Variants in CHODL observed in about 807,000 individuals in gnomAD.
CHODL encodes transmembrane protein MT75.
In CHODL, 29 loss-of-function variants were observed where a neutral mutation model predicts 34.5. The ratio of observed to expected loss-of-function variants is 0.84; its 90% CI spans 0.63 to 1.15. The LOEUF is 1.15. Ranked by LOEUF, CHODL falls within the 50% of genes most tolerant of loss-of-function variation. The probability of loss-of-function intolerance (pLI) is 0.00; values close to 1 mark genes in which losing one functional copy is unlikely to be tolerated. For synonymous variants in CHODL, 125 were observed against 116.1 expected (o/e 1.08, Z -0.49); for missense variants, 332 against 332.5 (o/e 1.00, Z 0.01).
At chr21:17,938,499 A>G (rs377136061) in intron 1 of CHODL, among the ~76,000 whole-genome samples, 93,552 of 95,610 alleles carry the variant, frequency 0.98, 45,748 homozygotes, top group Middle Eastern at 0.99. Context: ...TTTTTAAGGA[A>G]AGGGAGTCTC....
At chr21:18,264,623 AAGAG>A (rs1326907271) in intron 5 of CHODL, among the ~76,000 whole-genome samples, 9 of 138,476 alleles carry the variant, frequency 6.5e-5, no homozygotes, top group South Asian at 2.2e-4. Flanking sequence ...AAAAAAAAAA[AAGAG>A]AGAGAGAATG....
chr21:18,191,554 G>A (rs2073510655), intron 2 of CHODL, among the ~76,000 whole-genome samples: 1 of 152,136 alleles, frequency 6.6e-6, no homozygotes, highest in Admixed American at 6.6e-5. Flanking sequence ...GATTAATGTT[G>A]CTGCGTATCT....
chr21:18,059,793 A>G (rs1312921677), intron 2 of CHODL, among the ~76,000 whole-genome samples: 1 of 152,182 alleles, frequency 6.6e-6, no homozygotes, highest in Non-Finnish European at 1.5e-5. Flanking sequence ...CGGGGAGTGA[A>G]CAATGAGAAC....
chr21:18,070,225 GA>G (rs71189580), intron 2 of CHODL, among the ~76,000 whole-genome samples: 1 of 150,806 alleles, frequency 6.6e-6, no homozygotes, highest in East Asian at 2.0e-4. Context: ...GAAACCTATG[GA>G]AAAAAAACTT....
At chr21:18,090,622 G>GC in intron 2 of CHODL, among the ~76,000 whole-genome samples, 1 of 151,008 alleles carries the variant, frequency 6.6e-6, no homozygotes, top group South Asian at 2.1e-4. Context: ...GAGGAAGTCT[G>GC]CCACAGAGAG....
intron 1 of CHODL, among the ~76,000 whole-genome samples, chr21:17,947,396 T>A (rs1414308983): frequency 6.6e-6 from 1 of 152,042 alleles, no homozygotes; most frequent in East Asian, 1.9e-4. Context: ...AAACACCTAA[T>A]ACAAAGCTCC....
intron 2 of CHODL, among the ~76,000 whole-genome samples, chr21:18,059,349 A>T (rs921931188): frequency 5.9e-5 from 9 of 152,166 alleles, no homozygotes; most frequent in Non-Finnish European, 8.8e-5. Context: ...TAAACTGTCC[A>T]GTCTGTGGTA....
intron 2 of CHODL, among the ~76,000 whole-genome samples, chr21:18,135,163 A>G (rs996013330): frequency 1.3e-5 from 2 of 152,194 alleles, no homozygotes; most frequent in African/African-American, 4.8e-5. Flanking sequence ...TCCTGATTAC[A>G]GTCTTTTATT....
intron 2 of CHODL, among the ~76,000 whole-genome samples, chr21:18,084,945 G>A (rs1353645391): frequency 2.0e-5 from 3 of 151,678 alleles, no homozygotes; most frequent in African/African-American, 4.8e-5. Context: ...GTGTGTGTGT[G>A]TGTGTGTGTG....
At chr21:18,196,248 T>C (rs1359962092) in intron 2 of CHODL, among the ~76,000 whole-genome samples, 1 of 152,234 alleles carries the variant, frequency 6.6e-6, no homozygotes, top group East Asian at 1.9e-4. Context: ...AATAAGCTCT[T>C]ATAACATGGT....
chr21:18,103,507 T>C (rs950393543), intron 2 of CHODL, among the ~76,000 whole-genome samples: 1 of 152,148 alleles, frequency 6.6e-6, no homozygotes, highest in African/African-American at 2.4e-5. Context: ...TTTCGTTACA[T>C]TTCATGATTT....
At chr21:17,932,102 T>TACA (rs1197156416) in intron 1 of CHODL, among the ~76,000 whole-genome samples, 4 of 151,926 alleles carry the variant, frequency 2.6e-5, no homozygotes, top group Admixed American at 6.6e-5. Flanking sequence ...CAAGCAACTC[T>TACA]ACAACAACAA....
In CHODL at chr21:17,989,269, C is replaced by A. The variant is rs145177556; in HGVS notation, c.-144-38603C>A. 1.4e-4 allele frequency among the ~76,000 whole-genome samples: 22 copies of A among 152,224 alleles called. No individual in the cohort carries two copies. In the East Asian group the frequency reaches 1.9e-3, roughly 13 times the overall value. On this transcript the variant is annotated intron_variant, in intron 1 of 6. Coordinates refer to the CHODL transcript ENST00000400127. The stretch of plus-strand genomic sequence containing the variant: ...CAAATCATCCTGGCTCTCTTTGAGT[C>A]CTTCAGTGGGAACTTGAAGAGATCA...
chr21:17,949,115 C>A (rs936196339), intron 1 of CHODL, among the ~76,000 whole-genome samples: 17 of 152,218 alleles, frequency 1.1e-4, no homozygotes, highest in African/African-American at 3.6e-4. Context: ...GTGGTGGTTA[C>A]AATATTGACC....
chr21:17,938,522 A>G (rs1246451094), intron 1 of CHODL, among the ~76,000 whole-genome samples: 1 of 109,908 alleles, frequency 9.1e-6, no homozygotes, highest in Non-Finnish European at 1.7e-5. Context: ...TCCATCGCCC[A>G]GGCTGGAGTG....
At chr21:18,082,742 A>G (rs565587555) in intron 2 of CHODL, among the ~76,000 whole-genome samples, 6 of 152,318 alleles carry the variant, frequency 3.9e-5, no homozygotes, top group Admixed American at 2.0e-4. Flanking sequence ...GAGAGAATTT[A>G]AGGTATCTGG....
chr21:17,964,131 A>C (rs2063553921), intron 1 of CHODL, among the ~76,000 whole-genome samples: 1 of 152,236 alleles, frequency 6.6e-6, no homozygotes, highest in South Asian at 2.1e-4. Flanking sequence ...AAATTTCTTC[A>C]AGAAAGAAAA....
chr21:17,946,133 C>G (rs573878822), intron 1 of CHODL, among the ~76,000 whole-genome samples: 2 of 152,190 alleles, frequency 1.3e-5, no homozygotes, highest in South Asian at 2.1e-4. Context: ...AAAAGAGATT[C>G]TAGGTTGGGC....
chr21:18,076,465 G>A (rs911865113), intron 2 of CHODL, among the ~76,000 whole-genome samples: 3 of 152,146 alleles, frequency 2.0e-5, no homozygotes, highest in African/African-American at 4.8e-5. Context: ...TGAAGGTATG[G>A]CTTGGCTTCT....
Sources: allele counts gnomAD v4.1 joint callset (sites outside exome capture counted in the v4.1 genomes callset), GRCh38; gene constraint gnomAD v4.1.1; transcripts MANE v1.5; gene names NCBI Gene and HGNC (gene_info 2026-07-23, HGNC 2026-07-21).